The following TRIM16 variants were observed in gnomAD, a reference collection of about 807,000 sequenced individuals.
TRIM16 encodes tripartite motif containing 16.
TRIM16 carries 33 observed loss-of-function variants against 50.4 expected under a neutral mutation model. That is an observed-to-expected ratio of 0.65 (90% CI 0.50 to 0.88). The LOEUF (loss-of-function observed/expected upper bound fraction) is 0.88, where lower values mean the gene tolerates loss of function less well. TRIM16 is among the 40% of genes least tolerant of loss of function. TRIM16 has a pLI of 0.00. For synonymous variants in TRIM16, 229 were observed against 270.7 expected (o/e 0.85, Z 1.51); for missense variants, 581 against 686.8 (o/e 0.85, Z 1.72).
intron 6 of TRIM16, among the ~76,000 whole-genome samples, chr17:15,660,301 G>A (rs753875918): frequency 8.5e-5 from 13 of 152,290 alleles, no homozygotes; most frequent in South Asian, 2.1e-4. Context: ...ACAATGAGCC[G>A]GTTCCTCTAT....
At chr17:15,665,239 G>A (rs893063063) in intron 6 of TRIM16, among the ~76,000 whole-genome samples, 2 of 152,158 alleles carry the variant, frequency 1.3e-5, no homozygotes, top group South Asian at 2.1e-4. Context: ...GAGGCCGGGC[G>A]CAGTGGCTCA....
At chr17:15,647,132 A>G (rs1017716687) in intron 7 of TRIM16, among the ~76,000 whole-genome samples, 2 of 151,328 alleles carry the variant, frequency 1.3e-5, no homozygotes, top group Non-Finnish European at 2.9e-5. Flanking sequence ...GTGCCAGGCT[A>G]ATTTTTGTAT....
chr17:15,680,326 G>A (rs1169541737), intron 4 of TRIM16, among the ~76,000 whole-genome samples: 1 of 110,540 alleles, frequency 9.0e-6, no homozygotes, highest in Non-Finnish European at 1.8e-5. Flanking sequence ...TTTATATTGA[G>A]TAGGCCCTTA....
At chr17:15,645,910 A>G (rs1027577105) in intron 7 of TRIM16, among the ~76,000 whole-genome samples, 1 of 152,168 alleles carries the variant, frequency 6.6e-6, no homozygotes, top group Admixed American at 6.5e-5. Flanking sequence ...CAATCCTGGA[A>G]TCTTGAACTA....
chr17:15,642,874 C>T lies in TRIM16; in HGVS notation c.520-58G>A, dbSNP rs1038192488. ...GGAGCCCAATGCACACAGAAGGACACGGGCACTCTCCAGCCCTGACATCCC... is the reference window on the plus strand; with the variant it reads ...GGAGCCCAATGCACACAGAAGGACATGGGCACTCTCCAGCCCTGACATCCC... On this transcript the variant is annotated intron_variant, in intron 7 of 11. Transcript: ENST00000649191. The T allele has an allele frequency of 1.0e-5, 5 of 482,776 alleles. 1 individual carries two copies. Among genetic ancestry groups the T allele is most frequent in the African/African-American group, 2.9e-5 (1 of 34,020 alleles). The allele number at this position is 482,776 out of a possible 1,614,324, so 29.9% of individuals were successfully genotyped here.
At chr17:15,657,992 C>T (rs528312075) in intron 6 of TRIM16, among the ~76,000 whole-genome samples, 1 of 152,298 alleles carries the variant, frequency 6.6e-6, no homozygotes, top group Admixed American at 6.5e-5. Flanking sequence ...TAAACCAAAC[C>T]TACCACCAGG....
intron 7 of TRIM16, among the ~76,000 whole-genome samples, chr17:15,644,871 A>T (rs1348161970): frequency 6.6e-6 from 1 of 151,798 alleles, no homozygotes; most frequent in Non-Finnish European, 1.5e-5. Flanking sequence ...GCTGGAGTGC[A>T]ATGGTGCAAT....
Position 15,651,132 on chromosome 17 carries a change from G to C in TRIM16, c.478C>G (p.His160Asp), listed in dbSNP as rs1287465983. 6.2e-7 allele frequency: 1 copy of C among 1,613,974 alleles called. No homozygotes were observed. Among genetic ancestry groups the C allele is most frequent in the South Asian group, 1.1e-5 (1 of 91,058 alleles). Residue 160 changes from histidine to aspartate, a missense_variant, in exon 7 of 12, where the codon CAC becomes GAC. Transcript: ENST00000649191. ...CQDCCQEHSG[H>D]TIVSLDAARR... is the part of the protein sequence containing the mutation. ...GCTGCATCCAGGGAGACTATGGTGT[G>C]GCCACTGTGCTCCTGGCAACAGTCC...
Position 15,632,600 on chromosome 17 carries a change from C to G in TRIM16, c.924G>C (p.Ser308=). 2 of 1,613,864 alleles carry G rather than the reference C, an allele frequency of 1.2e-6. No homozygotes were observed. The highest frequency in any genetic ancestry group is 1.7e-6 in the Non-Finnish European group (2 of 1,179,844). Residue 308 remains serine (S), a synonymous_variant, in exon 10 of 12, where the codon TCG becomes TCC. Coordinates refer to ENST00000649191, the MANE Select transcript of TRIM16 (RefSeq NM_001348119.1). ...SVYVGLKDKL[S]GIRKVITEST... ...ATTCCGTGATAACTTTGCGGATGCC[C>G]GAGAGTTTATCCTTCAGCCCTACGT...
At chr17:15,668,246 CAT>C (rs1988582580) in intron 6 of TRIM16, among the ~76,000 whole-genome samples, 1 of 152,218 alleles carries the variant, frequency 6.6e-6, no homozygotes, top group East Asian at 1.9e-4. Context: ...GGGTTCACCT[CAT>C]GAGTTTCCCT....
intron 8 of TRIM16, among the ~76,000 whole-genome samples, chr17:15,637,250 C>T (rs1986830088): frequency 7.4e-6 from 1 of 135,022 alleles, no homozygotes; most frequent in African/African-American, 2.9e-5. Flanking sequence ...GGCCAGCCGC[C>T]CCGTCCGGGA....
chr17:15,651,991 G>A, intron 6 of TRIM16, 45 bp from the exon 7 acceptor site: 1 of 1,101,644 alleles, frequency 9.1e-7, no homozygotes, highest in Non-Finnish European at 1.1e-6. Context: ...AAGCCTGTGT[G>A]GCTTTGTGTG....
At chr17:15,674,824 G>C (rs113365984) in intron 6 of TRIM16, among the ~76,000 whole-genome samples, 5 of 152,058 alleles carry the variant, frequency 3.3e-5, no homozygotes, top group Admixed American at 3.3e-4. Context: ...CTCATCTCCC[G>C]GGGGGTGATC....
intron 6 of TRIM16, among the ~76,000 whole-genome samples, chr17:15,655,570 G>GGT (rs1567680724): frequency 1.3e-5 from 2 of 150,418 alleles, no homozygotes; most frequent in Non-Finnish European, 3.0e-5. Flanking sequence ...CCAATCATTT[G>GGT]ATCTCTCTCT....
Position 15,639,841 on chromosome 17 carries a change from G to A in TRIM16, c.615+2880C>T, listed in dbSNP as rs537127827. 6.0e-5 allele frequency among the ~76,000 whole-genome samples: 9 copies of A among 149,076 alleles called. No homozygotes were observed. The South Asian group carries it at 2.0e-3, about 33-fold the overall frequency. Reference sequence around the variant, plus strand: ...TGGCAAACCTGCTGCCTGGGGCTCTGCCAGGTATAGGCTCTGCAGCCCTCT... The same window carrying A: ...TGGCAAACCTGCTGCCTGGGGCTCTACCAGGTATAGGCTCTGCAGCCCTCT... On this transcript the variant is annotated intron_variant, in intron 8 of 11. Coordinates refer to ENST00000649191, the MANE Select transcript of TRIM16 (RefSeq NM_001348119.1).
chr17:15,676,205 A>G (rs1186949212), intron 6 of TRIM16, among the ~76,000 whole-genome samples: 1 of 152,164 alleles, frequency 6.6e-6, no homozygotes, highest in East Asian at 1.9e-4. Flanking sequence ...TCCACTCACG[A>G]GATGCCCATA....
intron 6 of TRIM16, among the ~76,000 whole-genome samples, chr17:15,668,881 A>G (rs984047377): frequency 4.6e-5 from 7 of 152,122 alleles, no homozygotes; most frequent in Admixed American, 6.5e-5. Flanking sequence ...CCCATATTCA[A>G]AAAGAAACTT....
intron 9 of TRIM16, among the ~76,000 whole-genome samples, chr17:15,633,958 G>A (rs1986571663): frequency 6.7e-6 from 1 of 148,432 alleles, no homozygotes; most frequent in Non-Finnish European, 1.5e-5. Context: ...ACTTTGGGGG[G>A]CCGAGGTGGG....
intron 8 of TRIM16, among the ~76,000 whole-genome samples, chr17:15,637,430 A>G (rs1324492882): frequency 1.0e-3 from 65 of 63,056 alleles, no homozygotes; most frequent in Admixed American, 3.3e-3. Flanking sequence ...CAGCCGCCCC[A>G]TCTGGGAGGT....
Sources: allele counts gnomAD v4.1 joint callset (sites outside exome capture counted in the v4.1 genomes callset), GRCh38; gene constraint gnomAD v4.1.1; transcripts MANE v1.5; gene names NCBI Gene and HGNC (gene_info 2026-07-23, HGNC 2026-07-21).